The following SLC14A2 variants were observed in gnomAD, a reference collection of about 807,000 sequenced individuals.
The protein encoded by SLC14A2 is solute carrier family 14 member 2.
A neutral mutation model predicts 104.6 loss-of-function variants in SLC14A2; 91 were observed. That is an observed-to-expected ratio of 0.87 (90% CI 0.73 to 1.04). The LOEUF (loss-of-function observed/expected upper bound fraction) is 1.04. Ranked by LOEUF, SLC14A2 falls within the 50% of genes least tolerant of loss-of-function variation. The pLI, the probability that SLC14A2 is intolerant of heterozygous loss-of-function variation, is 0.00. For missense variants in SLC14A2, 1,189 were observed against 1,156.0 expected, an observed-to-expected ratio of 1.03 and a Z score of -0.41; for synonymous variants, 476 against 466.4, an observed-to-expected ratio of 1.02 and a Z score of -0.27.
At chr18:45,312,359 C>T (rs2085087523) in intron 1 of SLC14A2, among the ~76,000 whole-genome samples, 1 of 151,240 alleles carries the variant, frequency 6.6e-6, no homozygotes, top group Non-Finnish European at 1.5e-5. Flanking sequence ...ATCTCTGATC[C>T]TTCTACAGGC....
chr18:45,192,894 T>C, the SLC14A2 span, among the ~76,000 whole-genome samples: 1 of 152,008 alleles, frequency 6.6e-6, no homozygotes, highest in Non-Finnish European at 1.5e-5. Flanking sequence ...CTGACCTCGT[T>C]ATCCATCACC....
At chr18:45,259,799 G>A (rs1159140838) in intron 1 of SLC14A2, among the ~76,000 whole-genome samples, 1 of 152,108 alleles carries the variant, frequency 6.6e-6, no homozygotes, top group African/African-American at 2.4e-5. Context: ...TTACTCTGAA[G>A]GTATATTCTT....
chr18:45,430,471 A>G (rs1357589691), intron 1 of SLC14A2, among the ~76,000 whole-genome samples: 1 of 152,206 alleles, frequency 6.6e-6, no homozygotes, highest in Non-Finnish European at 1.5e-5. Context: ...AGCACTAACT[A>G]AAGATTTCAG....
intron 1 of SLC14A2, among the ~76,000 whole-genome samples, chr18:45,371,769 T>G (rs1163820053): frequency 1.3e-5 from 2 of 152,260 alleles, no homozygotes; most frequent in Non-Finnish European, 2.9e-5. Flanking sequence ...AAATGTTTGT[T>G]GGCTTCATAT....
In SLC14A2 at chr18:45,637,052, T is replaced by C. The variant is rs1297891513; in HGVS notation, c.713T>C (p.Leu238Pro). ...AAGTGGGACCTCCCGGTCTTCACTC[T>C]GCCCTTCAACATTGCAGTCACCTTG... ...FSKWDLPVFTLPFNIAVTLYL... is the reference protein window; with the variant it reads ...FSKWDLPVFTPPFNIAVTLYL... Residue 238 changes from leucine to proline, a missense_variant, in exon 6 of 20, where the codon CTG becomes CCG. Leu to Pro is a moderately conservative substitution (Grantham distance 98). Coordinates refer to ENST00000255226, the MANE Select transcript of SLC14A2 (RefSeq NM_007163.4). 6.2e-7 allele frequency: 1 copy of C among 1,614,264 alleles called. No individual in the cohort carries two copies. Among genetic ancestry groups the C allele is most frequent in the Admixed American group, 1.7e-5 (1 of 60,038 alleles).
At chr18:45,663,712 C>T (rs576805315) in intron 10 of SLC14A2, 73 bp from the exon 11 acceptor site, 119 of 1,539,010 alleles carry the variant, frequency 7.7e-5, no homozygotes, top group Non-Finnish European at 9.9e-5. Flanking sequence ...GTGATTTTTC[C>T]CAGCTCTCTG....
intron 2 of SLC14A2, among the ~76,000 whole-genome samples, chr18:45,505,430 G>A (rs1308085144): frequency 6.6e-6 from 1 of 152,204 alleles, no homozygotes; most frequent in Non-Finnish European, 1.5e-5. Flanking sequence ...GGAAGACGGA[G>A]TGGGTGAGGA....
intron 1 of SLC14A2, among the ~76,000 whole-genome samples, chr18:45,352,081 T>C (rs2085508887): frequency 6.6e-6 from 1 of 152,076 alleles, no homozygotes; most frequent in South Asian, 2.1e-4. Context: ...GGGGGCTTGC[T>C]GCACTGGACA....
intron 1 of SLC14A2, among the ~76,000 whole-genome samples, chr18:45,294,747 G>A (rs913246121): frequency 6.6e-6 from 1 of 152,170 alleles, no homozygotes; most frequent in Non-Finnish European, 1.5e-5. Context: ...TTACAAACCT[G>A]GAATCCTTCT....
At chr18:45,475,658 T>TTTAGG (rs1555693785) in intron 1 of SLC14A2, among the ~76,000 whole-genome samples, 6 of 89,948 alleles carry the variant, frequency 6.7e-5, no homozygotes, top group African/African-American at 1.2e-4. Context: ...TATATATATA[T>TTTAGG]ATATATATAT....
intron 2 of SLC14A2, among the ~76,000 whole-genome samples, chr18:45,563,392 G>T (rs757544953): frequency 2.2e-4 from 33 of 152,276 alleles, no homozygotes; most frequent in Non-Finnish European, 3.5e-4. Context: ...AATTTAGAAG[G>T]CCCTCTTGAA....
intron 1 of SLC14A2, among the ~76,000 whole-genome samples, chr18:45,481,931 T>A (rs1303423944): frequency 6.6e-6 from 1 of 152,210 alleles, no homozygotes; most frequent in Non-Finnish European, 1.5e-5. Flanking sequence ...CTTAGTTTTC[T>A]TTCCTGGGTT....
intron 2 of SLC14A2, among the ~76,000 whole-genome samples, chr18:45,536,818 C>A (rs948275828): frequency 6.6e-5 from 10 of 152,142 alleles, no homozygotes; most frequent in Non-Finnish European, 1.3e-4. Flanking sequence ...CTGGGAGCCT[C>A]CTGGGCTGCC....
intron 1 of SLC14A2, among the ~76,000 whole-genome samples, chr18:45,404,056 T>A (rs1412659879): frequency 1.3e-5 from 2 of 152,172 alleles, no homozygotes; most frequent in Admixed American, 1.3e-4. Context: ...AAGGAACCCA[T>A]CTTTAGCTGG....
intron 2 of SLC14A2, among the ~76,000 whole-genome samples, chr18:45,602,981 T>G (rs1470079295): frequency 6.6e-6 from 1 of 152,188 alleles, no homozygotes; most frequent in African/African-American, 2.4e-5. Flanking sequence ...AACCCATCAA[T>G]TTAGTTAGCA....
the SLC14A2 span, among the ~76,000 whole-genome samples, chr18:45,179,600 T>G: frequency 6.6e-6 from 1 of 152,360 alleles, no homozygotes; most frequent in Admixed American, 6.5e-5. Flanking sequence ...CTTTCCTCAG[T>G]GTCACTGAAT....
chr18:45,615,823 G>A (rs2045058162), intron 1 of SLC14A2, among the ~76,000 whole-genome samples: 1 of 146,636 alleles, frequency 6.8e-6, no homozygotes. Context: ...GTGTATGTGT[G>A]TGTGTGTGTG....
intron 1 of SLC14A2, among the ~76,000 whole-genome samples, chr18:45,383,762 G>A (rs918270406): frequency 5.9e-5 from 9 of 152,056 alleles, no homozygotes; most frequent in African/African-American, 1.7e-4. Context: ...CCATCCCAGT[G>A]GCATGTGCTA....
the SLC14A2 span, among the ~76,000 whole-genome samples, chr18:45,192,637 G>T: frequency 8.5e-4 from 104 of 122,074 alleles, 1 homozygote; most frequent in South Asian, 2.4e-3. Context: ...TGTGTGTGTG[G>T]TTTTTTTTTG....
Sources: allele counts gnomAD v4.1 joint callset (sites outside exome capture counted in the v4.1 genomes callset), GRCh38; gene constraint gnomAD v4.1.1; transcripts MANE v1.5; gene names NCBI Gene and HGNC (gene_info 2026-07-23, HGNC 2026-07-21).